DEFB121: variants seen among roughly 807,000 people sequenced by gnomAD.
The protein encoded by DEFB121 is defensin beta 121.
Under a neutral mutation model 2.5 loss-of-function variants are expected in DEFB121, and 5 were observed. That is an observed-to-expected ratio of 1.96 (90% CI 1.03 to 4.13). DEFB121 has a LOEUF of 4.13. Ranked by LOEUF, DEFB121 falls within the 30% of genes most tolerant of loss-of-function variation. The probability of loss-of-function intolerance (pLI) is 0.00; values close to 1 mark genes in which losing one functional copy is unlikely to be tolerated. For synonymous variants in DEFB121, 39 were observed against 32.6 expected (o/e 1.20, Z -0.67); for missense variants, 87 against 85.0 (o/e 1.02, Z -0.09).
chr20:31,411,361 G>T (rs1419482631), intron 1 of DEFB121, among the ~76,000 whole-genome samples: 5 of 152,060 alleles, frequency 3.3e-5, no homozygotes, highest in Non-Finnish European at 7.3e-5. Flanking sequence ...TAATCTGATT[G>T]GCTGAACATA....
At chr20:31,409,214 TTAAACA>T (rs1434331891), upstream of DEFB121, among the ~76,000 whole-genome samples, 18 of 152,330 alleles carry the variant, frequency 1.2e-4, no homozygotes, top group Non-Finnish European at 2.4e-4. Flanking sequence ...TCTTATAAAG[TTAAACA>T]TAAACTTATC....
At chr20:31,408,202 G>A (rs763628841), upstream of DEFB121, among the ~76,000 whole-genome samples, 2 of 152,138 alleles carry the variant, frequency 1.3e-5, no homozygotes, top group South Asian at 2.1e-4. Context: ...CCCACAATTC[G>A]GGAGGCTAAG....
At chr20:31,416,263 G>A (rs1034350698), upstream of DEFB121, among the ~76,000 whole-genome samples, 8 of 152,274 alleles carry the variant, frequency 5.3e-5, no homozygotes, top group African/African-American at 1.9e-4. Context: ...GTTCCACCAT[G>A]TTAGCCAGGC....
At chr20:31,412,413 C>G (rs896857495) in intron 1 of DEFB121, among the ~76,000 whole-genome samples, 4 of 152,166 alleles carry the variant, frequency 2.6e-5, no homozygotes, top group African/African-American at 9.7e-5. Flanking sequence ...CTCACTTTGC[C>G]ACATATTAGC....
upstream of DEFB121, among the ~76,000 whole-genome samples, chr20:31,417,570 G>T (rs943405569): frequency 6.6e-6 from 1 of 152,102 alleles, no homozygotes; most frequent in South Asian, 2.1e-4. Context: ...AAAGAAATAA[G>T]TAAAGGAAGA....
chr20:31,414,405 G>A (rs1449567548), upstream of DEFB121, among the ~76,000 whole-genome samples: 1 of 152,134 alleles, frequency 6.6e-6, no homozygotes, highest in African/African-American at 2.4e-5. Context: ...GCACACCCAC[G>A]TTCATTGGCA....
intron 1 of DEFB121, among the ~76,000 whole-genome samples, 166 bp from the exon 2 acceptor site, chr20:31,405,251 A>G (rs947389808): frequency 1.3e-5 from 2 of 152,134 alleles, no homozygotes; most frequent in Non-Finnish European, 2.9e-5. Flanking sequence ...ATTATAGACC[A>G]CTACGCTTTC....
upstream of DEFB121, among the ~76,000 whole-genome samples, chr20:31,415,833 G>A (rs1415096304): frequency 1.3e-5 from 2 of 152,104 alleles, no homozygotes; most frequent in Non-Finnish European, 2.9e-5. Flanking sequence ...GTGAACTGAG[G>A]AGTGGTGGCA....
In DEFB121 at chr20:31,412,489, T is replaced by A. The variant is rs925245868; in HGVS notation, n.217+133A>T. On this transcript the variant is annotated intron_variant and non_coding_transcript_variant, in intron 1 of 1. Transcript: ENST00000376312. ...AGTTTAATTATCTCTAATATGGAGA[T>A]GATACTACTGACAGCAGAGGTTTGC... The A allele has an allele frequency of 1.2e-5, 6 of 515,206 alleles. No individual in the cohort carries two copies. In the African/African-American group the frequency reaches 1.2e-4, roughly 10 times the overall value. The allele number at this position is 515,206 out of a possible 1,614,324, so 31.9% of individuals were successfully genotyped here. A position where few individuals can be genotyped will look rare whatever the true frequency, so the allele number is the denominator to read the frequency against.
At chr20:31,408,594 T>C (rs1236195263), upstream of DEFB121, among the ~76,000 whole-genome samples, 1 of 152,224 alleles carries the variant, frequency 6.6e-6, no homozygotes, top group Admixed American at 6.5e-5. Flanking sequence ...TCTACAGCTA[T>C]AGGACAAAAT....
At chr20:31,418,259 C>CAAAAAAAAAAAAAAAAAA in the DEFB121 span, among the ~76,000 whole-genome samples, 1 of 82,922 alleles carries the variant, frequency 1.2e-5, no homozygotes, top group Non-Finnish European at 2.5e-5. Flanking sequence ...GACTCCGTCT[C>CAAAAAAAAAAAAAAAAAA]AAAAAAAAAA....
chr20:31,414,271 GAGGAAAGGAAGGAAAGGAAGGCAAAGGA>G (rs1406921037), upstream of DEFB121, among the ~76,000 whole-genome samples: 1 of 151,712 alleles, frequency 6.6e-6, no homozygotes, highest in Non-Finnish European at 1.5e-5. Context: ...AGGGGAAGGG[GAGGAAAGGAAGGAAAGGAAGGCAAAGGA>G]AGGAAAGGAA....
At chr20:31,412,634 C>T (rs1411351158) in exon 1 of DEFB121, 1 of 1,290,806 alleles carries the variant, frequency 7.7e-7, no homozygotes, top group East Asian at 5.5e-5. Context: ...TCCTTGACTT[C>T]TTGAAACATT....
exon 1 of DEFB121, chr20:31,412,747 T>C: frequency 9.1e-7 from 1 of 1,104,944 alleles, no homozygotes; most frequent in Non-Finnish European, 1.2e-6. Flanking sequence ...AGCTCAGAGA[T>C]CTCTCTGCTC....
At chr20:31,414,055 A>C (rs1038869670), upstream of DEFB121, among the ~76,000 whole-genome samples, 3 of 152,166 alleles carry the variant, frequency 2.0e-5, no homozygotes, top group African/African-American at 7.2e-5. Flanking sequence ...TAAAAATACA[A>C]AATTAACTGG....
upstream of DEFB121, chr20:31,406,250 G>C (rs896849283): frequency 6.5e-7 from 1 of 1,548,006 alleles, no homozygotes; most frequent in African/African-American, 1.4e-5. Flanking sequence ...TTATTGCCTT[G>C]AGGAGCATGG....
At chr20:31,410,189 A>G (rs1487553148), upstream of DEFB121, among the ~76,000 whole-genome samples, 3 of 152,364 alleles carry the variant, frequency 2.0e-5, no homozygotes, top group East Asian at 5.8e-4. Flanking sequence ...ATCAAAAAGA[A>G]GGAAATCACA....
intron 1 of DEFB121, 80 bp from the exon 2 acceptor site, chr20:31,405,165 A>C: frequency 7.2e-7 from 1 of 1,382,530 alleles, no homozygotes; most frequent in Non-Finnish European, 9.8e-7. Flanking sequence ...GCTAAAGCCC[A>C]GTAGAGGAGT....
At chr20:31,406,801 T>A (rs769748757), upstream of DEFB121, among the ~76,000 whole-genome samples, 13 of 152,198 alleles carry the variant, frequency 8.5e-5, no homozygotes, top group Non-Finnish European at 1.5e-4. Context: ...GTCTTTTTTT[T>A]ATTATTACTT....
Sources: allele counts gnomAD v4.1 joint callset (sites outside exome capture counted in the v4.1 genomes callset), GRCh38; gene constraint gnomAD v4.1.1; transcripts MANE v1.5; gene names NCBI Gene and HGNC (gene_info 2026-07-23, HGNC 2026-07-21).